The following TSKS variants were observed in gnomAD, a reference collection of about 807,000 sequenced individuals.
TSKS encodes testis-specific serine kinase substrate.
TSKS carries 27 observed loss-of-function variants against 68.0 expected under a neutral mutation model. The observed-to-expected ratio is 0.40, with a 90% CI of 0.29 to 0.55. The LOEUF (loss-of-function observed/expected upper bound fraction) is 0.55. Among genes scored for constraint, TSKS ranks in the 20% least tolerant of loss-of-function variants. The pLI is 0.53. For missense variants in TSKS, 806 were observed against 776.0 expected, an observed-to-expected ratio of 1.04 and a Z score of -0.46; for synonymous variants, 331 against 340.4, an observed-to-expected ratio of 0.97 and a Z score of 0.30.
chr19:49,745,551 C>T (rs1437884262), intron 6 of TSKS, among the ~76,000 whole-genome samples, 155 bp from the exon 7 acceptor site: 2 of 152,102 alleles, frequency 1.3e-5, no homozygotes, highest in African/African-American at 4.8e-5. Flanking sequence ...TTTATTGCAC[C>T]CTCCATTTGG....
At position 49,762,367 on chromosome 19, in the gene TSKS, G is replaced by A. The variant is rs190950399; in HGVS notation, c.171-135C>T. 5.5e-4 allele frequency: 339 copies of A among 617,462 alleles called. 1 individual carries two copies. The African/African-American group carries it at 5.6e-3, about 10-fold the overall frequency. 38.2% of individuals were successfully genotyped at this position (617,462 alleles called of 1,614,324 possible). ...ATAAGTTTCTCCCTTCTCTGTCCCC[G>A]CTGCCTACTTTATTCTCCTTCCCTG... On this transcript the variant is annotated intron_variant, in intron 1 of 10. Transcript: ENST00000246801.
At chr19:49,753,518 C>T (rs1053750129) in intron 2 of TSKS, among the ~76,000 whole-genome samples, 15 of 150,632 alleles carry the variant, frequency 1.0e-4, no homozygotes, top group Admixed American at 1.3e-4. Flanking sequence ...GCCGAGATCG[C>T]GCCATTGCAC....
At chr19:49,751,712 ATC>A (rs1369160143) in intron 2 of TSKS, among the ~76,000 whole-genome samples, 6 of 152,096 alleles carry the variant, frequency 3.9e-5, no homozygotes, top group Non-Finnish European at 7.4e-5. Flanking sequence ...CCGTGAAAGC[ATC>A]TCTGATAGTT....
In TSKS at chr19:49,746,805, G is replaced by A. The variant is rs1395649005; in HGVS notation, c.664-7C>T. 1.3e-6 allele frequency: 2 copies of A among 1,597,094 alleles called. No homozygotes were observed. Among genetic ancestry groups the A allele is most frequent in the Non-Finnish European group, 1.7e-6 (2 of 1,178,814 alleles). The stretch of plus-strand genomic sequence containing the variant: ...GGAGGTAGCGCAGCTTCTCCTGGGT[G>A]GTAAGGGAGGACGGGGTCACAGCGT... On this transcript the variant is annotated splice_polypyrimidine_tract_variant and splice_region_variant and intron_variant, in intron 5 of 10. Transcript: ENST00000246801.
chr19:49,745,410 G>T lies in TSKS; in HGVS notation c.993-14C>A. 6.6e-7 allele frequency: 1 copy of T among 1,523,086 alleles called. No homozygotes were observed. Among genetic ancestry groups the T allele is most frequent in the Non-Finnish European group, 8.8e-7 (1 of 1,135,666 alleles). The allele number at this position is 1,523,086 out of a possible 1,614,324, so 94.3% of individuals were successfully genotyped here. A position where few individuals can be genotyped will look rare whatever the true frequency, so the allele number is the denominator to read the frequency against. On this transcript the variant is annotated splice_polypyrimidine_tract_variant and intron_variant, in intron 6 of 10. Transcript: ENST00000246801. ...GACACCTCTCTCCTGGAGGGGCAGAGGAGGGGAATGGGTAGGGGCTAGGCT... is the reference window on the plus strand; with the variant it reads ...GACACCTCTCTCCTGGAGGGGCAGATGAGGGGAATGGGTAGGGGCTAGGCT...
At chr19:49,748,319 A>G (rs1253419345) in intron 3 of TSKS, 55 bp downstream of exon 3, 24 of 1,590,192 alleles carry the variant, frequency 1.5e-5, no homozygotes, top group Non-Finnish European at 2.1e-5. Flanking sequence ...AGGCTCCAAG[A>G]AGGGAACTTG....
At chr19:49,746,358 G>T in intron 6 of TSKS, 112 bp downstream of exon 6, 1 of 1,293,868 alleles carries the variant, frequency 7.7e-7, no homozygotes, top group Non-Finnish European at 1.1e-6. Context: ...GCCCACCTCA[G>T]CTACTTGAGA....
chr19:49,744,108 C>T, intron 8 of TSKS, 123 bp downstream of exon 8: 1 of 990,308 alleles, frequency 1.0e-6, no homozygotes, highest in Non-Finnish European at 1.5e-6. Flanking sequence ...TTCTACAATG[C>T]ACTGGGATAC....
chr19:49,756,435 G>A (rs2084393112), intron 2 of TSKS, among the ~76,000 whole-genome samples: 1 of 151,914 alleles, frequency 6.6e-6, no homozygotes, highest in Admixed American at 6.6e-5. Context: ...CTCCAACCTG[G>A]GCAATGGAGC....
chr19:49,741,634 C>T (rs902884240), intron 9 of TSKS, among the ~76,000 whole-genome samples: 2 of 152,178 alleles, frequency 1.3e-5, no homozygotes, highest in African/African-American at 2.4e-5. Flanking sequence ...CTAGATCCAA[C>T]GTCCTATCAT....
At chr19:49,759,586 A>G (rs1266814458) in intron 2 of TSKS, among the ~76,000 whole-genome samples, 1 of 150,958 alleles carries the variant, frequency 6.6e-6, no homozygotes, top group Non-Finnish European at 1.5e-5. Context: ...CAGTGAGCCA[A>G]GATTGTGCCT....
At chr19:49,755,988 G>A (rs575291982) in intron 2 of TSKS, among the ~76,000 whole-genome samples, 10 of 151,954 alleles carry the variant, frequency 6.6e-5, no homozygotes, top group Non-Finnish European at 1.3e-4. Context: ...GCGACAGAGC[G>A]AGACTCCATC....
chr19:49,744,423 G>C lies in TSKS; in HGVS notation c.1188-19C>G. The C allele has an allele frequency of 6.2e-7, 1 of 1,605,186 alleles. No individual in the cohort carries two copies. The highest frequency in any genetic ancestry group is 8.5e-7 in the Non-Finnish European group (1 of 1,172,662). ...CTCCACCCTGAGGCATGAGTAACCAGTGCTGCTGGGTCGTCTCTTCAGCGG... is the reference window on the plus strand; with the variant it reads ...CTCCACCCTGAGGCATGAGTAACCACTGCTGCTGGGTCGTCTCTTCAGCGG... On this transcript the variant is annotated intron_variant, in intron 7 of 10. Coordinates refer to ENST00000246801, the MANE Select transcript of TSKS (RefSeq NM_021733.2).
intron 9 of TSKS, among the ~76,000 whole-genome samples, chr19:49,741,320 C>T (rs1433575203): frequency 6.6e-6 from 1 of 152,196 alleles, no homozygotes; most frequent in Non-Finnish European, 1.5e-5. Context: ...TTGTCTGTCT[C>T]ACCCACTACA....
chr19:49,761,790 T>C (rs1274316841), intron 2 of TSKS, among the ~76,000 whole-genome samples: 8 of 151,770 alleles, frequency 5.3e-5, no homozygotes, highest in Non-Finnish European at 1.0e-4. Flanking sequence ...ACAGTGAGAC[T>C]GTCTCTAAAG....
intron 8 of TSKS, among the ~76,000 whole-genome samples, chr19:49,743,358 G>T (rs1222662718): frequency 2.0e-5 from 3 of 151,516 alleles, no homozygotes; most frequent in African/African-American, 7.3e-5. Flanking sequence ...GATAACAGGT[G>T]TGAGCCACTG....
chr19:49,745,243 G>T lies in TSKS; in HGVS notation c.1146C>A (p.Asp382Glu). 6.2e-7 allele frequency: 1 copy of T among 1,607,584 alleles called. No homozygotes were observed. The highest frequency in any genetic ancestry group is 8.5e-7 in the Non-Finnish European group (1 of 1,178,512). ...AQREQAQTAR[D>E]LQELRGRADE... is the part of the protein sequence containing the mutation. ...CCGCCCGACCTCGCAGCTCCTGCAA[G>T]TCCCGCGCCGTCTGTGCCTGTTCGC... Residue 382 changes from aspartate to glutamate, a missense_variant, in exon 7 of 11, where the codon GAC (aspartate) becomes GAA (glutamate). Asp to Glu is a conservative substitution (Grantham distance 45, BLOSUM62 2). Coordinates refer to ENST00000246801, the MANE Select transcript of TSKS (RefSeq NM_021733.2).
At chr19:49,744,159 G>T in intron 8 of TSKS, 72 bp downstream of exon 8, 1 of 1,506,358 alleles carries the variant, frequency 6.6e-7, no homozygotes, top group Non-Finnish European at 9.1e-7. Context: ...CTTCACTAAT[G>T]TCCCATCTCC....
rs978089309 is a variant in TSKS, at chr19:49,742,496, C to CTTTT, written c.1362-480_1362-477dup. Among the ~76,000 whole-genome samples the CTTTT allele has an allele frequency of 2.3e-4, 23 of 101,218 alleles. 1 individual carries two copies. The highest frequency in any genetic ancestry group is 1.7e-4 in the Non-Finnish European group (9 of 51,512). The allele number at this position is 101,218 out of a possible 152,430, so 66.4% of individuals were successfully genotyped here. A position where few individuals can be genotyped will look rare whatever the true frequency, so the allele number is the denominator to read the frequency against. On this transcript the variant is annotated intron_variant, in intron 8 of 10. Transcript: ENST00000246801. ...CAGGCATGAGCCACCGGGCCCGGCC[C>CTTTT]TTTTTTTTTTTTTTTTTTTTGAGAT... is the stretch of plus-strand genomic sequence containing the variant.
Sources: allele counts gnomAD v4.1 joint callset (sites outside exome capture counted in the v4.1 genomes callset), GRCh38; gene constraint gnomAD v4.1.1; transcripts MANE v1.5; gene names NCBI Gene and HGNC (gene_info 2026-07-23, HGNC 2026-07-21).